ACKR2: variants seen among roughly 807,000 people sequenced by gnomAD.
The protein encoded by ACKR2 is C-C chemokine receptor D6.
For synonymous variants in ACKR2, 207 were observed against 192.2 expected (o/e 1.08, Z -0.64); for missense variants, 457 against 477.3 (o/e 0.96, Z 0.40).
At chr3:42,814,212 A>C (rs1253433367) in intron 1 of ACKR2, among the ~76,000 whole-genome samples, 5 of 152,266 alleles carry the variant, frequency 3.3e-5, no homozygotes, top group Admixed American at 3.3e-4. Context: ...ATCTTTCATA[A>C]TACAGACATT....
chr3:42,817,214 C>G (rs1376653524), intron 1 of ACKR2, among the ~76,000 whole-genome samples: 2 of 152,180 alleles, frequency 1.3e-5, no homozygotes, highest in Admixed American at 1.3e-4. Context: ...AGGCCCCTTC[C>G]TCTTGCTGCT....
chr3:42,852,243 G>A lies in ACKR2; in HGVS notation c.-37-12223G>A, dbSNP rs941668389. The stretch of plus-strand genomic sequence containing the variant: ...CATGCTGAGTGTCCTGCCTTTCCTG[G>A]GGATAGTGGGGTTTCATTTTCATGC... On this transcript the variant is annotated intron_variant, in intron 2 of 2. Transcript: ENST00000422265. The surrounding 1 kb of genome is among the most constrained non-coding windows in gnomAD (Gnocchi z 4.3). The A allele has an allele frequency of 2.0e-5, 3 of 152,162 alleles. No individual in the cohort carries two copies. Among genetic ancestry groups the A allele is most frequent in the East Asian group, 1.9e-4 (1 of 5,204 alleles). The allele number at this position is 152,162 out of a possible 1,614,324, so 9.4% of individuals were successfully genotyped here. A position where few individuals can be genotyped will look rare whatever the true frequency, so the allele number is the denominator to read the frequency against.
intron 2 of ACKR2, among the ~76,000 whole-genome samples, chr3:42,842,094 G>A (rs1701044797): frequency 6.6e-6 from 1 of 152,196 alleles, no homozygotes; most frequent in Non-Finnish European, 1.5e-5. Flanking sequence ...CGGCCACAGT[G>A]ATGGCACTGA....
At chr3:42,844,319 T>C (rs1053815563) in intron 2 of ACKR2, among the ~76,000 whole-genome samples, 12 of 152,030 alleles carry the variant, frequency 7.9e-5, no homozygotes, top group African/African-American at 2.9e-4. Context: ...CTGTGGGTGG[T>C]TGGACTTAAT....
intron 2 of ACKR2, among the ~76,000 whole-genome samples, chr3:42,836,927 C>T (rs1210442560): frequency 6.6e-6 from 1 of 152,238 alleles, no homozygotes; most frequent in South Asian, 2.1e-4. Flanking sequence ...TCTTCCCCAC[C>T]TCTGATCACC....
At chr3:42,847,366 G>A (rs544081605) in intron 2 of ACKR2, among the ~76,000 whole-genome samples, 16 of 152,228 alleles carry the variant, frequency 1.1e-4, no homozygotes, top group Middle Eastern at 6.8e-3. Context: ...GAGGTGAGAG[G>A]AGCATCATTT....
At chr3:42,849,545 T>C (rs931113702) in intron 2 of ACKR2, among the ~76,000 whole-genome samples, 10 of 151,826 alleles carry the variant, frequency 6.6e-5, no homozygotes, top group Middle Eastern at 3.4e-3. Context: ...TGGAGTTTAA[T>C]TGAGCAAAGA....
At chr3:42,829,964 A>G (rs563927540) in intron 2 of ACKR2, among the ~76,000 whole-genome samples, 1 of 152,216 alleles carries the variant, frequency 6.6e-6, no homozygotes, top group Non-Finnish European at 1.5e-5. Flanking sequence ...CAGGTCTCAT[A>G]TTCCAAAACC....
intron 2 of ACKR2, among the ~76,000 whole-genome samples, chr3:42,843,000 A>G (rs192861018): frequency 0.025 from 3,604 of 146,942 alleles, 146 homozygotes; most frequent in African/African-American, 0.078. Context: ...AAAAAAAAAA[A>G]AAAGAAAGAA....
In ACKR2 at chr3:42,817,195, C is replaced by A. The variant is rs144904409; in HGVS notation, c.-118-2436C>A. Among the ~76,000 whole-genome samples, 792 of 152,274 alleles carry A rather than the reference C, an allele frequency of 5.2e-3. 5 individuals are homozygous for A. Among genetic ancestry groups the A allele is most frequent in the Non-Finnish European group, 8.0e-3 (544 of 68,004 alleles). ...AGCCTCAGTACATGTTAGATCCTCTCACCAAACCAGGCCCCTTCCTCTTGC... is the reference window on the plus strand; with the variant it reads ...AGCCTCAGTACATGTTAGATCCTCTAACCAAACCAGGCCCCTTCCTCTTGC... On this transcript the variant is annotated intron_variant, in intron 1 of 2. Coordinates refer to ENST00000422265, the MANE Select transcript of ACKR2 (RefSeq NM_001296.5).
intron 2 of ACKR2, among the ~76,000 whole-genome samples, chr3:42,827,860 G>A (rs1024688144): frequency 3.9e-5 from 6 of 151,982 alleles, no homozygotes; most frequent in African/African-American, 9.7e-5. Flanking sequence ...ACAGGGAGAC[G>A]CCCCCACACT....
intron 2 of ACKR2, among the ~76,000 whole-genome samples, chr3:42,848,530 A>G (rs1381403321): frequency 1.3e-5 from 2 of 152,126 alleles, no homozygotes; most frequent in East Asian, 1.9e-4. Flanking sequence ...GCTCTTTCTT[A>G]TAATAGAATT....
chr3:42,855,535 G>A (rs2088306897), intron 2 of ACKR2, among the ~76,000 whole-genome samples: 1 of 152,042 alleles, frequency 6.6e-6, no homozygotes, highest in Non-Finnish European at 1.5e-5. Flanking sequence ...CAGGGGTAAA[G>A]GCCTGATTGC....
At chr3:42,844,984 G>C (rs1701077968) in intron 2 of ACKR2, among the ~76,000 whole-genome samples, 1 of 152,124 alleles carries the variant, frequency 6.6e-6, no homozygotes, top group Non-Finnish European at 1.5e-5. Context: ...TAGTCCACTA[G>C]CACCTTCAGG....
At position 42,865,460 on chromosome 3, in the gene ACKR2, C is replaced by T. The variant is rs754472756; in HGVS notation, c.958C>T (p.Arg320Cys). Residue 320 changes from arginine (R) to cysteine (C), a missense_variant, in exon 3 of 3, where the codon CGC becomes TGC. Coordinates refer to ENST00000422265, the MANE Select transcript of ACKR2 (RefSeq NM_001296.5). ...ILYAFSSHRF[R>C]QYLKAFLAAV... is the part of the protein sequence containing the mutation. Reference sequence around the variant, plus strand: ...GTATGCCTTCTCCAGTCACCGCTTCCGCCAGTACCTGAAGGCTTTCCTGGC... The same window carrying T: ...GTATGCCTTCTCCAGTCACCGCTTCTGCCAGTACCTGAAGGCTTTCCTGGC... 28 of 1,614,050 alleles carry T rather than the reference C, an allele frequency of 1.7e-5. No individual in the cohort carries two copies. Among genetic ancestry groups the T allele is most frequent in the Middle Eastern group, 1.6e-4 (1 of 6,084 alleles).
At chr3:42,849,501 C>CA (rs551981172) in intron 2 of ACKR2, among the ~76,000 whole-genome samples, 286 of 138,340 alleles carry the variant, frequency 2.1e-3, no homozygotes, top group East Asian at 5.6e-3. Flanking sequence ...GAGACTCTGT[C>CA]AAAAAAAAAA....
chr3:42,823,280 C>T (rs1700827944), intron 2 of ACKR2, among the ~76,000 whole-genome samples: 1 of 152,208 alleles, frequency 6.6e-6, no homozygotes, highest in Non-Finnish European at 1.5e-5. Context: ...CATCCCCTCC[C>T]CTGCCACCTT....
intron 2 of ACKR2, among the ~76,000 whole-genome samples, chr3:42,837,293 T>G (rs947320439): frequency 6.6e-6 from 1 of 151,912 alleles, no homozygotes; most frequent in African/African-American, 2.4e-5. Flanking sequence ...CTCAGCTCAC[T>G]GCAGCTTCAC....
At chr3:42,818,146 T>C (rs1397645439) in intron 1 of ACKR2, among the ~76,000 whole-genome samples, 1 of 152,234 alleles carries the variant, frequency 6.6e-6, no homozygotes. Context: ...CACTTTGGTA[T>C]TCCACAGACT....
Sources: gnomAD v4.1 joint callset for allele counts (sites outside exome capture counted in the v4.1 genomes callset) on GRCh38, gnomAD v4.1.1 for gene constraint, Gnocchi (gnomAD v3.1) non-coding constraint, MANE v1.5 for transcripts, NCBI Gene and HGNC (gene_info 2026-07-23, HGNC 2026-07-21) for gene names.